Variants in PEBP4 observed in about 807,000 individuals in gnomAD.
The protein encoded by PEBP4 is phosphatidylethanolamine-binding protein 4.
In PEBP4, 22 loss-of-function variants were observed where a neutral mutation model predicts 23.9. That is an observed-to-expected ratio of 0.92 (90% CI 0.66 to 1.31). The LOEUF is 1.31. PEBP4 is among the 40% of genes most tolerant of loss of function. The probability of loss-of-function intolerance (pLI) is 0.00; values close to 1 mark genes in which losing one functional copy is unlikely to be tolerated. For missense variants in PEBP4, 324 were observed against 281.7 expected (o/e 1.15, Z -1.07); for synonymous variants, 112 against 99.3 (o/e 1.13, Z -0.76).
chr8:22,936,193 A>T (rs1809537892), intron 1 of PEBP4, among the ~76,000 whole-genome samples: 1 of 151,928 alleles, frequency 6.6e-6, no homozygotes, highest in African/African-American at 2.4e-5. Flanking sequence ...TAAAAAACAG[A>T]GAAGACTCAA....
rs989849307 is a variant in PEBP4, at chr8:22,792,635, T to C, written c.357+25002A>G. Reference sequence around the variant, plus strand: ...ACACACGCTGCCTTATTTTGATAGGTAGCAAATTTCGTTCTAAGTATACGT... The same window carrying C: ...ACACACGCTGCCTTATTTTGATAGGCAGCAAATTTCGTTCTAAGTATACGT... On this transcript the variant is annotated intron_variant, in intron 4 of 6. Transcript: ENST00000256404. Among the ~76,000 whole-genome samples the C allele has an allele frequency of 9.2e-5, 14 of 152,128 alleles. 1 individual carries two copies. Among genetic ancestry groups the C allele is most frequent in the Admixed American group, 9.2e-4 (14 of 15,274 alleles).
chr8:22,884,022 G>C (rs887846784), intron 3 of PEBP4: 1 of 152,212 alleles, frequency 6.6e-6, no homozygotes, highest in African/African-American at 2.4e-5. Context: ...CCTCCAATCT[G>C]AGAAGGGAAC....
At chr8:22,851,545 C>T (rs1807550617) in intron 3 of PEBP4, among the ~76,000 whole-genome samples, 1 of 152,066 alleles carries the variant, frequency 6.6e-6, no homozygotes, top group African/African-American at 2.4e-5. Context: ...TGCCCAAGAC[C>T]ACACAGGAAA....
intron 1 of PEBP4, among the ~76,000 whole-genome samples, chr8:22,933,357 C>T (rs184726669): frequency 1.5e-3 from 229 of 152,296 alleles, no homozygotes; most frequent in African/African-American, 5.3e-3. Flanking sequence ...AAGAGACCTA[C>T]GCTGAGACAT....
intron 1 of PEBP4, among the ~76,000 whole-genome samples, chr8:22,940,800 T>C (rs1809603051): frequency 6.6e-6 from 1 of 152,176 alleles, no homozygotes; most frequent in Non-Finnish European, 1.5e-5. Context: ...TTACCACGAA[T>C]TTCTAATAGC....
At chr8:22,903,895 G>A (rs1437036960) in intron 3 of PEBP4, among the ~76,000 whole-genome samples, 1 of 152,226 alleles carries the variant, frequency 6.6e-6, no homozygotes, top group Non-Finnish European at 1.5e-5. Flanking sequence ...GCAAAGAGCA[G>A]GCAGGCAAGA....
intron 4 of PEBP4, among the ~76,000 whole-genome samples, chr8:22,768,795 T>C (rs773693562): frequency 6.6e-5 from 10 of 152,214 alleles, no homozygotes; most frequent in East Asian, 1.9e-4. Context: ...AGTATTCCAT[T>C]TGCAGCCTCC....
chr8:22,826,568 G>A (rs1168769651), intron 3 of PEBP4, among the ~76,000 whole-genome samples: 1 of 152,152 alleles, frequency 6.6e-6, no homozygotes, highest in South Asian at 2.1e-4. Flanking sequence ...GGAAAACTTC[G>A]TAACTGTAAA....
At chr8:22,824,052 T>A (rs193040609) in intron 3 of PEBP4, among the ~76,000 whole-genome samples, 35 of 152,272 alleles carry the variant, frequency 2.3e-4, no homozygotes, top group Middle Eastern at 3.4e-3. Flanking sequence ...GTCTATTTTT[T>A]AAAAAGGAGA....
chr8:22,743,774 CA>C (rs1291594929), intron 4 of PEBP4, among the ~76,000 whole-genome samples: 1 of 152,208 alleles, frequency 6.6e-6, no homozygotes, highest in Non-Finnish European at 1.5e-5. Flanking sequence ...CCGGCAGCAC[CA>C]CGCCCCTTTC....
chr8:22,838,473 G>A (rs1457654890), intron 3 of PEBP4, among the ~76,000 whole-genome samples: 3 of 152,186 alleles, frequency 2.0e-5, no homozygotes, highest in Non-Finnish European at 4.4e-5. Flanking sequence ...TGGGAGACTC[G>A]AAGCCTCTGG....
intron 4 of PEBP4, among the ~76,000 whole-genome samples, chr8:22,811,058 T>G (rs1416768696): frequency 6.6e-6 from 1 of 152,234 alleles, no homozygotes; most frequent in East Asian, 1.9e-4. Context: ...TATACCTTAT[T>G]CATATCCGCA....
chr8:22,869,770 A>G (rs891789250), intron 3 of PEBP4, among the ~76,000 whole-genome samples: 1 of 152,248 alleles, frequency 6.6e-6, no homozygotes, highest in Non-Finnish European at 1.5e-5. Flanking sequence ...CACCTCACCA[A>G]AGAAAATATA....
chr8:22,881,913 C>T (rs1183183296), intron 3 of PEBP4, among the ~76,000 whole-genome samples: 4 of 152,230 alleles, frequency 2.6e-5, no homozygotes, highest in Non-Finnish European at 4.4e-5. Context: ...ACTCTGTCCT[C>T]AGGCTGTTGT....
intron 4 of PEBP4, among the ~76,000 whole-genome samples, chr8:22,811,473 A>G (rs1329696985): frequency 5.3e-5 from 8 of 152,346 alleles, no homozygotes; most frequent in Non-Finnish European, 1.0e-4. Context: ...AGGGCGGGAC[A>G]ATGACAGCAG....
At chr8:22,727,841 C>A (rs975123230) in intron 4 of PEBP4, among the ~76,000 whole-genome samples, 45 of 152,234 alleles carry the variant, frequency 3.0e-4, no homozygotes, top group African/African-American at 7.7e-4. Context: ...ACTGGGACAG[C>A]CTCAGTTTCC....
chr8:22,805,334 G>GTT (rs1473121594), intron 4 of PEBP4, among the ~76,000 whole-genome samples: 90 of 152,164 alleles, frequency 5.9e-4, no homozygotes, highest in African/African-American at 2.0e-3. Context: ...GTTTTGTTTT[G>GTT]TTTTGTTTTG....
intron 3 of PEBP4, chr8:22,886,304 T>A (rs1808374254): frequency 6.6e-6 from 1 of 152,206 alleles, no homozygotes; most frequent in Non-Finnish European, 1.5e-5. Flanking sequence ...CCATCCATGC[T>A]GGTCAAGAGG....
chr8:22,886,717 A>C (rs1808384833), intron 3 of PEBP4: 1 of 152,388 alleles, frequency 6.6e-6, no homozygotes, highest in African/African-American at 2.4e-5. Context: ...CTCCTCACAC[A>C]GCAGCAACAG....
Sources: allele counts gnomAD v4.1 joint callset (sites outside exome capture counted in the v4.1 genomes callset), GRCh38; gene constraint gnomAD v4.1.1; transcripts MANE v1.5; gene names NCBI Gene and HGNC (gene_info 2026-07-23, HGNC 2026-07-21).